PDE7A: variants seen among roughly 807,000 people sequenced by gnomAD.
PDE7A encodes the protein phosphodiesterase 7A.
In PDE7A, 39 loss-of-function variants were observed where a neutral mutation model predicts 64.3. That is an observed-to-expected ratio of 0.61 (90% CI 0.47 to 0.79). PDE7A has a LOEUF of 0.79. Ranked by LOEUF, PDE7A falls within the 30% of genes least tolerant of loss-of-function variation. PDE7A has a pLI of 0.00. For missense variants in PDE7A, 470 were observed against 582.8 expected (o/e 0.81, Z 1.99); for synonymous variants, 203 against 206.8 (o/e 0.98, Z 0.16).
chr8:65,750,434 A>G (rs1476787463), intron 3 of PDE7A, among the ~76,000 whole-genome samples: 1 of 151,016 alleles, frequency 6.6e-6, no homozygotes, highest in Non-Finnish European at 1.5e-5. Context: ...GTGTGTGTGT[A>G]TTAGGATCAC....
chr8:65,750,930 C>G (rs189934137), intron 3 of PDE7A, among the ~76,000 whole-genome samples: 1 of 152,320 alleles, frequency 6.6e-6, no homozygotes, highest in Admixed American at 6.5e-5. Flanking sequence ...AATGATCACT[C>G]ATCATGGAAG....
At chr8:65,760,219 A>AAC (rs141172134) in intron 3 of PDE7A, among the ~76,000 whole-genome samples, 6,114 of 152,296 alleles carry the variant, frequency 0.04, 173 homozygotes, top group Non-Finnish European at 0.06. Context: ...CAGCCTGGGC[A>AAC]AGAGTGAGAC....
intron 3 of PDE7A, among the ~76,000 whole-genome samples, chr8:65,764,685 A>G (rs1019040895): frequency 3.3e-5 from 5 of 152,242 alleles, no homozygotes; most frequent in Non-Finnish European, 5.9e-5. Flanking sequence ...TATAATCAGT[A>G]CGATATGAGC....
At chr8:65,828,499 C>A (rs1475417034) in intron 1 of PDE7A, among the ~76,000 whole-genome samples, 1 of 152,130 alleles carries the variant, frequency 6.6e-6, no homozygotes, top group African/African-American at 2.4e-5. Flanking sequence ...CTGATAAACA[C>A]TGAAATGAAT....
chr8:65,726,826 T>G (rs764523057), intron 9 of PDE7A, 49 bp downstream of exon 9: 2 of 978,352 alleles, frequency 2.0e-6, no homozygotes, highest in East Asian at 4.9e-5. Context: ...CTTTGCCAAC[T>G]TAACTTCTAT....
At chr8:65,810,366 A>AGGGGGGGG (rs1810230649) in intron 1 of PDE7A, among the ~76,000 whole-genome samples, 34 of 150,138 alleles carry the variant, frequency 2.3e-4, no homozygotes, top group Non-Finnish European at 4.3e-4. Context: ...GGGATGGGGG[A>AGGGGGGGG]GGGATAGCAT....
At chr8:65,822,459 T>C (rs1810565533) in intron 1 of PDE7A, among the ~76,000 whole-genome samples, 1 of 152,236 alleles carries the variant, frequency 6.6e-6, no homozygotes, top group African/African-American at 2.4e-5. Context: ...ACTGGGTCAC[T>C]GACAGGACTT....
intron 3 of PDE7A, among the ~76,000 whole-genome samples, chr8:65,777,291 C>G (rs1018312292): frequency 6.6e-5 from 10 of 151,908 alleles, no homozygotes; most frequent in Non-Finnish European, 1.2e-4. Context: ...GTTGGTCAGG[C>G]TGGTCTCGAA....
At chr8:65,765,566 C>T (rs1012368328) in intron 3 of PDE7A, 5 of 148,344 alleles carry the variant, frequency 3.4e-5, no homozygotes, top group Admixed American at 6.7e-5. Flanking sequence ...ATGACTGTGT[C>T]CCAAGAGTAA....
chr8:65,732,411 C>G (rs1031888589), intron 7 of PDE7A, among the ~76,000 whole-genome samples: 9 of 152,206 alleles, frequency 5.9e-5, no homozygotes, highest in African/African-American at 2.2e-4. Context: ...TGCTCACCAC[C>G]ACATTCCTTG....
At chr8:65,820,162 G>A (rs1352357340) in intron 1 of PDE7A, among the ~76,000 whole-genome samples, 9 of 152,248 alleles carry the variant, frequency 5.9e-5, no homozygotes, top group Non-Finnish European at 1.0e-4. Flanking sequence ...TTGGGAGGCC[G>A]AGGCAGGTGG....
intron 1 of PDE7A, among the ~76,000 whole-genome samples, chr8:65,809,529 T>A (rs184190205): frequency 6.6e-6 from 1 of 152,264 alleles, no homozygotes; most frequent in East Asian, 1.9e-4. Context: ...GTAAGAAATA[T>A]TGCTGTAAAA....
chr8:65,841,503 T>C lies in PDE7A; in HGVS notation c.6A>G (p.Glu2=). ...GCAGTACCGGCAGCTGGTAACACAC[T>C]TCCATTGAATACGCCCGCCCTGCCT... The part of the protein sequence containing the change: M[E]VCYQLPVLPL... Residue 2 remains glutamate (E), a synonymous_variant, in exon 1 of 13, where the codon GAA becomes GAG. Coordinates refer to ENST00000401827, the MANE Select transcript of PDE7A (RefSeq NM_001242318.3). 6.5e-7 allele frequency: 1 copy of C among 1,534,292 alleles called. No individual in the cohort carries two copies. Among genetic ancestry groups the C allele is most frequent in the Non-Finnish European group, 8.7e-7 (1 of 1,148,232 alleles).
At chr8:65,809,194 G>A (rs1364771966) in intron 1 of PDE7A, among the ~76,000 whole-genome samples, 1 of 152,226 alleles carries the variant, frequency 6.6e-6, no homozygotes, top group Non-Finnish European at 1.5e-5. Context: ...ATGAGATAAA[G>A]TATATGAAGA....
chr8:65,805,928 G>A (rs912922988), intron 1 of PDE7A, among the ~76,000 whole-genome samples: 1 of 152,136 alleles, frequency 6.6e-6, no homozygotes, highest in Non-Finnish European at 1.5e-5. Context: ...CACTGTTTGA[G>A]CAAAAATTGG....
Position 65,716,165 on chromosome 8 carries a change from A to C in PDE7A, c.*3125T>G, listed in dbSNP as rs1585813150. ...CCCTGTCTCAAAAAAAAAAAAAAAC[A>C]AAAGGGCTATAGAAGGTGATTCCCA... On this transcript the variant is annotated 3_prime_UTR_variant, in exon 13 of 13. Coordinates refer to ENST00000401827, the MANE Select transcript of PDE7A (RefSeq NM_001242318.3). Among the ~76,000 whole-genome samples, 1 of 149,854 alleles carries C rather than the reference A, an allele frequency of 6.7e-6. No homozygotes were observed. The highest frequency in any genetic ancestry group is 2.5e-5 in the African/African-American group (1 of 40,652).
chr8:65,765,443 C>G (rs567904803), intron 3 of PDE7A: 1 of 129,392 alleles, frequency 7.7e-6, no homozygotes, highest in African/African-American at 3.0e-5. Flanking sequence ...GAGCCGAGAT[C>G]CCGCCACTGC....
At chr8:65,798,177 T>TGC (rs1386746196) in intron 1 of PDE7A, among the ~76,000 whole-genome samples, 1 of 127,022 alleles carries the variant, frequency 7.9e-6, no homozygotes, top group African/African-American at 3.3e-5. Flanking sequence ...TGTGTGTGTG[T>TGC]GCATATATAT....
chr8:65,803,346 T>C (rs1291696642), intron 1 of PDE7A, among the ~76,000 whole-genome samples: 1 of 152,184 alleles, frequency 6.6e-6, no homozygotes, highest in Non-Finnish European at 1.5e-5. Flanking sequence ...TAAAAAGAAA[T>C]AAACTGAAGA....
Sources: allele counts gnomAD v4.1 joint callset (sites outside exome capture counted in the v4.1 genomes callset), GRCh38; gene constraint gnomAD v4.1.1; transcripts MANE v1.5; gene names NCBI Gene and HGNC (gene_info 2026-07-23, HGNC 2026-07-21).